The following MAP2K1 variants were observed in gnomAD, a reference collection of about 807,000 sequenced individuals.
The protein encoded by MAP2K1 is dual specificity mitogen-activated protein kinase kinase 1.
MAP2K1 carries 16 observed loss-of-function variants against 46.3 expected under a neutral mutation model. The ratio of observed to expected loss-of-function variants is 0.35; its 90% CI spans 0.23 to 0.52. MAP2K1 has a LOEUF of 0.52. Ranked by LOEUF, MAP2K1 falls within the 20% of genes least tolerant of loss-of-function variation. MAP2K1 has a pLI of 0.94. For missense variants in MAP2K1, 263 were observed against 497.1 expected (o/e 0.53, Z 4.48); for synonymous variants, 183 against 185.6 (o/e 0.99, Z 0.11).
At chr15:66,410,386 G>A (rs111923341) in intron 1 of MAP2K1, among the ~76,000 whole-genome samples, 3 of 152,140 alleles carry the variant, frequency 2.0e-5, no homozygotes, top group African/African-American at 4.8e-5. Flanking sequence ...GTGTGGGTTT[G>A]AGCGATAGGA....
At chr15:66,488,292 G>C (rs927857604) in intron 8 of MAP2K1, among the ~76,000 whole-genome samples, 2 of 152,196 alleles carry the variant, frequency 1.3e-5, no homozygotes, top group Non-Finnish European at 2.9e-5. Context: ...CTGGGTCACT[G>C]TTCTAAGAGC....
intron 1 of MAP2K1, among the ~76,000 whole-genome samples, 199 bp downstream of exon 1, chr15:66,387,626 G>T (rs564791085): frequency 1.3e-5 from 2 of 152,286 alleles, no homozygotes; most frequent in East Asian, 3.9e-4. Context: ...GGATCCCGCG[G>T]GTCTCCATTC....
chr15:66,411,285 T>C (rs1595845677), intron 1 of MAP2K1, among the ~76,000 whole-genome samples: 1 of 152,246 alleles, frequency 6.6e-6, no homozygotes, highest in East Asian at 1.9e-4. Flanking sequence ...TAAATGACTA[T>C]GGTAGGTACA....
chr15:66,427,119 G>A (rs191274192), intron 1 of MAP2K1, among the ~76,000 whole-genome samples: 10 of 152,290 alleles, frequency 6.6e-5, no homozygotes, highest in Admixed American at 6.5e-4. Context: ...ATACAGCTAA[G>A]GGCAATTTAA....
chr15:66,490,991 G>C lies in MAP2K1; in HGVS notation c.*376G>C. On this transcript the variant is annotated 3_prime_UTR_variant, in exon 11 of 11. Transcript: ENST00000307102. ...TATTTTCGGGATTCTTTGACATTTG[G>C]TGGTACTTTATTCTTGCTGGGCATA... is the stretch of plus-strand genomic sequence containing the variant. 2.3e-6 allele frequency: 1 copy of C among 431,282 alleles called. No homozygotes were observed. The highest frequency in any genetic ancestry group is 4.3e-6 in the Non-Finnish European group (1 of 231,644). The allele number at this position is 431,282 out of a possible 1,614,324, so 26.7% of individuals were successfully genotyped here.
chr15:66,387,714 G>A (rs192852896), intron 1 of MAP2K1, among the ~76,000 whole-genome samples: 1 of 152,272 alleles, frequency 6.6e-6, no homozygotes, highest in East Asian at 1.9e-4. Flanking sequence ...ATAAAAGCTA[G>A]CACGTCTCCC....
intron 5 of MAP2K1, among the ~76,000 whole-genome samples, chr15:66,453,808 T>C (rs183871562): frequency 9.8e-5 from 15 of 152,310 alleles, no homozygotes; most frequent in Admixed American, 8.5e-4. Flanking sequence ...TTTTTTCTCT[T>C]TCTTTTTGAG....
At chr15:66,424,137 A>T (rs2140560692) in intron 1 of MAP2K1, among the ~76,000 whole-genome samples, 1 of 151,694 alleles carries the variant, frequency 6.6e-6, no homozygotes, top group South Asian at 2.1e-4. Flanking sequence ...GGCTCACTGC[A>T]GCCTCTGCCT....
chr15:66,386,997 G>C lies in MAP2K1; in HGVS notation c.-351G>C. 1 of 289,598 alleles carries C rather than the reference G, an allele frequency of 3.5e-6. No individual in the cohort carries two copies. Among genetic ancestry groups the C allele is most frequent in the Non-Finnish European group, 6.4e-6 (1 of 157,148 alleles). The allele number at this position is 289,598 out of a possible 1,614,324, so 17.9% of individuals were successfully genotyped here. On this transcript the variant is annotated 5_prime_UTR_variant, in exon 1 of 11. Transcript: ENST00000307102. ...CGGCAGGAGCTGGAGCTGGGCTCTG[G>C]TGCGCGCGCGGCTGTGCCGCCCGAG... is the stretch of plus-strand genomic sequence containing the variant.
At position 66,485,590 on chromosome 15, in the gene MAP2K1, G is replaced by A. The variant is rs182941602; in HGVS notation, c.895+399G>A. Among the ~76,000 whole-genome samples, 10 of 151,894 alleles carry A rather than the reference G, an allele frequency of 6.6e-5. No individual in the cohort carries two copies. The East Asian group carries it at 9.7e-4, about 15-fold the overall frequency. On this transcript the variant is annotated intron_variant, in intron 7 of 10. Transcript: ENST00000307102. Reference sequence around the variant, plus strand: ...CTACAGGTTATAATTTATTTGCGGGGGTTGGGAGGGAAGGGGCTCACTCTG... The same window carrying A: ...CTACAGGTTATAATTTATTTGCGGGAGTTGGGAGGGAAGGGGCTCACTCTG...
At chr15:66,420,702 T>A (rs2093435859) in intron 1 of MAP2K1, among the ~76,000 whole-genome samples, 1 of 53,888 alleles carries the variant, frequency 1.9e-5, no homozygotes, top group Non-Finnish European at 3.9e-5. Flanking sequence ...ATACTTACTC[T>A]TGGCATATAT....
chr15:66,482,719 C>T (rs1328021969), intron 6 of MAP2K1, among the ~76,000 whole-genome samples: 1 of 152,136 alleles, frequency 6.6e-6, no homozygotes, highest in Non-Finnish European at 1.5e-5. Flanking sequence ...GAATGCTTGG[C>T]AAGTGGGTAG....
At chr15:66,400,621 G>A (rs2093379164) in intron 1 of MAP2K1, among the ~76,000 whole-genome samples, 1 of 152,148 alleles carries the variant, frequency 6.6e-6, no homozygotes, top group Non-Finnish European at 1.5e-5. Flanking sequence ...CTGTGCCCTT[G>A]TTGCTCAGAA....
At chr15:66,414,412 A>C (rs1332105640) in intron 1 of MAP2K1, among the ~76,000 whole-genome samples, 1 of 152,186 alleles carries the variant, frequency 6.6e-6, no homozygotes, top group African/African-American at 2.4e-5. Context: ...TTATTATAGC[A>C]AAAAGGGTAC....
At chr15:66,435,702 T>C (rs932967458) in intron 2 of MAP2K1, among the ~76,000 whole-genome samples, 13 of 152,246 alleles carry the variant, frequency 8.5e-5, no homozygotes, top group Non-Finnish European at 5.9e-5. Flanking sequence ...TGTTAGTGTA[T>C]TAATCCCCAT....
At chr15:66,391,402 C>G (rs1165519799) in intron 1 of MAP2K1, among the ~76,000 whole-genome samples, 2 of 152,230 alleles carry the variant, frequency 1.3e-5, no homozygotes, top group Non-Finnish European at 2.9e-5. Context: ...CATTCTCCTG[C>G]CTCAGCCTCC....
intron 5 of MAP2K1, among the ~76,000 whole-genome samples, chr15:66,475,665 C>T (rs1281758498): frequency 1.3e-5 from 2 of 152,216 alleles, no homozygotes; most frequent in Non-Finnish European, 2.9e-5. Flanking sequence ...GTTCATCTAC[C>T]TGCCGGGGGC....
chr15:66,425,660 A>G (rs949498244), intron 1 of MAP2K1, among the ~76,000 whole-genome samples: 1 of 152,342 alleles, frequency 6.6e-6, no homozygotes. Context: ...AGATAGCATC[A>G]GCAGGTACAA....
intron 1 of MAP2K1, among the ~76,000 whole-genome samples, chr15:66,387,732 C>T (rs1415959366): frequency 2.0e-5 from 3 of 152,228 alleles, no homozygotes; most frequent in African/African-American, 7.2e-5. Context: ...CCCCTGCCTC[C>T]TCCCAGTTCT....
Sources: allele counts gnomAD v4.1 joint callset (sites outside exome capture counted in the v4.1 genomes callset), GRCh38; gene constraint gnomAD v4.1.1; transcripts MANE v1.5; gene names NCBI Gene and HGNC (gene_info 2026-07-23, HGNC 2026-07-21).